MDFIC2: variants seen among roughly 807,000 people sequenced by gnomAD.
MDFIC2 encodes myoD family inhibitor domain-containing protein 2.
Position 70,263,930 on chromosome 3 carries a change from T to C in MDFIC2, c.88+47956A>G, listed in dbSNP as rs565738991. On this transcript the variant is annotated intron_variant, in intron 2 of 3. Coordinates refer to ENST00000567252, the MANE Select transcript of MDFIC2 (RefSeq NM_001364677.1). Reference sequence around the variant, plus strand: ...GTTGTCCAATATCTCAAATGGTTGTTGAATACATTATTTCTAGTTCTTTAG... The same window carrying C: ...GTTGTCCAATATCTCAAATGGTTGTCGAATACATTATTTCTAGTTCTTTAG... Among the ~76,000 whole-genome samples, 14 of 152,326 alleles carry C rather than the reference T, an allele frequency of 9.2e-5. No homozygotes were observed. The South Asian group carries it at 2.9e-3, about 32-fold the overall frequency.
chr3:70,228,679 A>G (rs955508554), intron 2 of MDFIC2, among the ~76,000 whole-genome samples: 1 of 151,868 alleles, frequency 6.6e-6, no homozygotes, highest in African/African-American at 2.4e-5. Flanking sequence ...ATTGAAAACA[A>G]AATAACAGTT....
At chr3:70,303,894 G>A (rs950058940) in intron 2 of MDFIC2, among the ~76,000 whole-genome samples, 3 of 152,060 alleles carry the variant, frequency 2.0e-5, no homozygotes, top group Non-Finnish European at 4.4e-5. Flanking sequence ...TGTTGGCCAG[G>A]TTGGTCTAAA....
chr3:70,225,448 T>C (rs1701494699), intron 2 of MDFIC2, among the ~76,000 whole-genome samples: 1 of 152,224 alleles, frequency 6.6e-6, no homozygotes, highest in African/African-American at 2.4e-5. Context: ...GTTCTTTATC[T>C]CAAAAACATT....
intron 2 of MDFIC2, among the ~76,000 whole-genome samples, chr3:70,269,048 A>G (rs1003868386): frequency 2.0e-5 from 3 of 152,158 alleles, no homozygotes; most frequent in Non-Finnish European, 2.9e-5. Context: ...AGGATATATT[A>G]TTGTCCCTTT....
At chr3:70,287,962 A>T (rs1292452950) in intron 2 of MDFIC2, among the ~76,000 whole-genome samples, 6 of 151,850 alleles carry the variant, frequency 4.0e-5, no homozygotes, top group Non-Finnish European at 5.9e-5. Flanking sequence ...TTTCTTTATT[A>T]GTCTTGCTAG....
At chr3:70,308,132 G>T (rs1026448187) in intron 2 of MDFIC2, among the ~76,000 whole-genome samples, 1 of 152,142 alleles carries the variant, frequency 6.6e-6, no homozygotes, top group East Asian at 1.9e-4. Flanking sequence ...GCTCACTGCA[G>T]CCTCAACCTC....
At chr3:70,284,116 G>A (rs930246665) in intron 2 of MDFIC2, among the ~76,000 whole-genome samples, 3 of 152,096 alleles carry the variant, frequency 2.0e-5, no homozygotes, top group Non-Finnish European at 4.4e-5. Context: ...TCTTAAAACT[G>A]TTACAACGTT....
At chr3:70,265,030 A>T (rs1482663116) in intron 2 of MDFIC2, among the ~76,000 whole-genome samples, 7 of 152,200 alleles carry the variant, frequency 4.6e-5, no homozygotes, top group Admixed American at 4.6e-4. Flanking sequence ...TTATAAAACC[A>T]TCAGATATCG....
At position 70,298,674 on chromosome 3, in the gene MDFIC2, AC is replaced by A. The variant is rs201493699; in HGVS notation, c.88+13211del. Among the ~76,000 whole-genome samples, 12 of 152,212 alleles carry A rather than the reference AC, an allele frequency of 7.9e-5. No homozygotes were observed. The East Asian group carries it at 2.1e-3, about 27-fold the overall frequency. On this transcript the variant is annotated intron_variant, in intron 2 of 3. Transcript: ENST00000567252. ...CTGAATGAGTAATAGGTTTAAAAATACCCCAGCTATATTGACTTGCCCAAAC... is the reference window on the plus strand; with the variant it reads ...CTGAATGAGTAATAGGTTTAAAAATACCCAGCTATATTGACTTGCCCAAAC...
At chr3:70,226,293 G>T (rs1476663535) in intron 2 of MDFIC2, among the ~76,000 whole-genome samples, 1 of 152,206 alleles carries the variant, frequency 6.6e-6, no homozygotes, top group African/African-American at 2.4e-5. Flanking sequence ...CAATGTGTGA[G>T]AGGCACTCAG....
At chr3:70,258,083 G>C (rs1309654065) in intron 2 of MDFIC2, among the ~76,000 whole-genome samples, 1 of 152,044 alleles carries the variant, frequency 6.6e-6, no homozygotes, top group East Asian at 1.9e-4. Context: ...TATTCATAAG[G>C]AAAAGTTAAA....
At chr3:70,244,095 T>G (rs928759078) in intron 2 of MDFIC2, among the ~76,000 whole-genome samples, 2 of 152,204 alleles carry the variant, frequency 1.3e-5, no homozygotes, top group African/African-American at 4.8e-5. Flanking sequence ...ACCTCCCTGC[T>G]CTTCGGTTTC....
At chr3:70,225,710 A>T (rs1441459275) in intron 2 of MDFIC2, among the ~76,000 whole-genome samples, 2 of 152,252 alleles carry the variant, frequency 1.3e-5, no homozygotes, top group Admixed American at 1.3e-4. Flanking sequence ...CCCCAAAATG[A>T]AACAATAAAG....
intron 2 of MDFIC2, among the ~76,000 whole-genome samples, chr3:70,216,167 T>C (rs1701409845): frequency 6.6e-6 from 1 of 151,312 alleles, no homozygotes; most frequent in Non-Finnish European, 1.5e-5. Flanking sequence ...TATTTATATT[T>C]ATGCTTTATA....
intron 2 of MDFIC2, among the ~76,000 whole-genome samples, chr3:70,277,270 A>C (rs1437282542): frequency 6.6e-6 from 1 of 152,222 alleles, no homozygotes; most frequent in African/African-American, 2.4e-5. Context: ...TTAGTATATC[A>C]TTTTACATAT....
At chr3:70,198,993 C>T (rs1353601063) in intron 3 of MDFIC2, among the ~76,000 whole-genome samples, 3 of 152,182 alleles carry the variant, frequency 2.0e-5, no homozygotes, top group Non-Finnish European at 2.9e-5. Context: ...AATATGAAGA[C>T]CACTACTATA....
intron 2 of MDFIC2, among the ~76,000 whole-genome samples, chr3:70,252,026 C>A (rs1187756637): frequency 6.6e-6 from 1 of 152,182 alleles, no homozygotes; most frequent in African/African-American, 2.4e-5. Context: ...GCCTTCAATT[C>A]TGCATATGTG....
chr3:70,226,641 G>A (rs151072214), intron 2 of MDFIC2, among the ~76,000 whole-genome samples: 109 of 151,830 alleles, frequency 7.2e-4, no homozygotes, highest in African/African-American at 2.6e-3. Context: ...GGGAGGCTGA[G>A]GCAGGAGAAT....
intron 2 of MDFIC2, among the ~76,000 whole-genome samples, chr3:70,289,681 T>C (rs1231731385): frequency 3.9e-5 from 6 of 152,260 alleles, no homozygotes; most frequent in South Asian, 2.1e-4. Flanking sequence ...ATTCTCCCCA[T>C]CACTTTCAGG....
Sources: allele counts gnomAD v4.1 joint callset (sites outside exome capture counted in the v4.1 genomes callset), GRCh38; gene constraint gnomAD v4.1.1; transcripts MANE v1.5; gene names NCBI Gene and HGNC (gene_info 2026-07-23, HGNC 2026-07-21).